FAM110B: variants seen among roughly 807,000 people sequenced by gnomAD.
The protein encoded by FAM110B is family with sequence similarity 110 member B.
Under a neutral mutation model 20.4 loss-of-function variants are expected in FAM110B, and 6 were observed. That is an observed-to-expected ratio of 0.29 (90% CI 0.16 to 0.58). The LOEUF is 0.58. Ranked by LOEUF, FAM110B falls within the 20% of genes least tolerant of loss-of-function variation. The pLI is 0.90. For missense variants in FAM110B, 434 were observed against 498.2 expected (o/e 0.87, Z 1.23); for synonymous variants, 226 against 214.1 (o/e 1.06, Z -0.49).
chr8:58,055,892 A>G (rs780756545), intron 2 of FAM110B, among the ~76,000 whole-genome samples: 1 of 152,252 alleles, frequency 6.6e-6, no homozygotes, highest in African/African-American at 2.4e-5. Context: ...CATTGACTGT[A>G]TCAAAAGTTG....
intron 3 of FAM110B, among the ~76,000 whole-genome samples, chr8:58,123,587 TAGC>T (rs1271541835): frequency 5.3e-5 from 8 of 152,238 alleles, no homozygotes; most frequent in Non-Finnish European, 7.3e-5. Flanking sequence ...ATTTAAATGA[TAGC>T]AGTCAGACTA....
At chr8:58,026,869 A>C (rs1422441535) in intron 1 of FAM110B, among the ~76,000 whole-genome samples, 1 of 152,196 alleles carries the variant, frequency 6.6e-6, no homozygotes, top group African/African-American at 2.4e-5. Context: ...TTGCAAATAA[A>C]TTCCTCCTCA....
chr8:58,127,101 G>A (rs1332555114), intron 3 of FAM110B, among the ~76,000 whole-genome samples: 4 of 152,150 alleles, frequency 2.6e-5, no homozygotes, highest in African/African-American at 4.8e-5. Context: ...TGAGGTCAAC[G>A]TTTATATTTT....
intron 3 of FAM110B, among the ~76,000 whole-genome samples, chr8:58,121,262 G>A (rs1807354651): frequency 6.6e-6 from 1 of 152,120 alleles, no homozygotes; most frequent in East Asian, 1.9e-4. Flanking sequence ...CAGCTTCAAT[G>A]GTCTCACTGA....
At chr8:58,084,382 T>G (rs1469568831) in intron 3 of FAM110B, among the ~76,000 whole-genome samples, 1 of 151,406 alleles carries the variant, frequency 6.6e-6, no homozygotes, top group African/African-American at 2.4e-5. Flanking sequence ...TGGACTTGAA[T>G]CTCCATTTTC....
intron 1 of FAM110B, among the ~76,000 whole-genome samples, chr8:58,011,536 G>A (rs1041230827): frequency 2.6e-5 from 4 of 152,104 alleles, no homozygotes; most frequent in African/African-American, 9.7e-5. Context: ...TGTATGTTAC[G>A]TATATGTTTA....
intron 2 of FAM110B, among the ~76,000 whole-genome samples, chr8:58,036,675 G>T (rs1405793660): frequency 2.0e-5 from 3 of 152,186 alleles, no homozygotes; most frequent in Non-Finnish European, 2.9e-5. Context: ...TTGCACACAT[G>T]TGCACATGCA....
intron 3 of FAM110B, among the ~76,000 whole-genome samples, chr8:58,117,957 A>G (rs1807258312): frequency 6.6e-6 from 1 of 152,230 alleles, no homozygotes; most frequent in Admixed American, 6.5e-5. Context: ...ATTAAGAAGT[A>G]TCTGTCTTTA....
chr8:58,052,627 A>G (rs1248258450), intron 2 of FAM110B, among the ~76,000 whole-genome samples: 1 of 152,098 alleles, frequency 6.6e-6, no homozygotes, highest in Non-Finnish European at 1.5e-5. Flanking sequence ...GGAGGAACAC[A>G]AAGCAGGGAT....
In FAM110B at chr8:58,146,236, C is replaced by T. The variant is rs769891844; in HGVS notation, c.6C>T (p.Pro2=). The change falls in exon 4 of 4, where the codon CCC becomes CCT. Residue 2 remains proline, a synonymous_variant. Coordinates refer to ENST00000519262, the MANE Select transcript of FAM110B (RefSeq NM_001377989.1). M[P]TETLQTGSMV... is the part of the protein sequence containing the mutation. ...CCGGGGAAAGACCGCCCACCATGCC[C>T]ACGGAGACCCTACAGACAGGTAGCA... 6.3e-7 allele frequency: 1 copy of T among 1,595,996 alleles called. No individual in the cohort carries two copies. Among genetic ancestry groups the T allele is most frequent in the Non-Finnish European group, 8.6e-7 (1 of 1,167,958 alleles).
At chr8:58,061,390 G>T (rs1805655638) in intron 2 of FAM110B, among the ~76,000 whole-genome samples, 1 of 152,090 alleles carries the variant, frequency 6.6e-6, no homozygotes, top group Non-Finnish European at 1.5e-5. Flanking sequence ...CAAACCACTT[G>T]TGTAGGCTTG....
chr8:58,011,876 C>T (rs1646931800), intron 1 of FAM110B, among the ~76,000 whole-genome samples: 1 of 152,178 alleles, frequency 6.6e-6, no homozygotes, highest in African/African-American at 2.4e-5. Flanking sequence ...AGGCAGCATA[C>T]AGGTGGCAAG....
At chr8:58,111,579 G>A (rs760375867) in intron 3 of FAM110B, among the ~76,000 whole-genome samples, 13 of 151,992 alleles carry the variant, frequency 8.6e-5, no homozygotes, top group Admixed American at 1.3e-4. Context: ...GATAGCAGCC[G>A]TGAATCATCA....
At chr8:58,003,781 G>A (rs1424227370) in intron 1 of FAM110B, among the ~76,000 whole-genome samples, 1 of 152,196 alleles carries the variant, frequency 6.6e-6, no homozygotes, top group African/African-American at 2.4e-5. Flanking sequence ...AGGCTTTGTT[G>A]TGTAGAGCAC....
chr8:58,008,230 T>C (rs912739597), intron 1 of FAM110B, among the ~76,000 whole-genome samples: 2 of 151,402 alleles, frequency 1.3e-5, no homozygotes, highest in African/African-American at 4.9e-5. Flanking sequence ...CCTTCCGGGT[T>C]CAAGCGATTC....
chr8:58,087,680 T>C (rs1806372080), intron 3 of FAM110B, among the ~76,000 whole-genome samples: 1 of 152,198 alleles, frequency 6.6e-6, no homozygotes, highest in South Asian at 2.1e-4. Flanking sequence ...GGAGTATTAG[T>C]GGTTTCAAGG....
intron 2 of FAM110B, chr8:58,032,604 TTG>T (rs1804987488): frequency 6.6e-6 from 1 of 152,218 alleles, no homozygotes; most frequent in Non-Finnish European, 1.5e-5. Context: ...TGACTTATTT[TTG>T]TTCTTGGCGT....
intron 3 of FAM110B, chr8:58,113,527 G>T: frequency 5.5e-6 from 1 of 183,326 alleles, no homozygotes; most frequent in South Asian, 1.2e-4. Context: ...GGAAAGAGAG[G>T]AAGACGTAAT....
At chr8:58,049,196 T>C (rs1385080540) in intron 2 of FAM110B, among the ~76,000 whole-genome samples, 1 of 152,140 alleles carries the variant, frequency 6.6e-6, no homozygotes, top group African/African-American at 2.4e-5. Context: ...GGAGTAAGCT[T>C]GGTTTTGATA....
Sources: allele counts gnomAD v4.1 joint callset (sites outside exome capture counted in the v4.1 genomes callset), GRCh38; gene constraint gnomAD v4.1.1; transcripts MANE v1.5; gene names NCBI Gene and HGNC (gene_info 2026-07-23, HGNC 2026-07-21).